EPCIP: variants seen among roughly 807,000 people sequenced by gnomAD.
EPCIP encodes the protein exosomal polycystin-1-interacting protein.
chr21:32,809,287 T>TCTTC, the EPCIP span, among the ~76,000 whole-genome samples: 25 of 112,058 alleles, frequency 2.2e-4, no homozygotes, highest in African/African-American at 8.5e-4. Flanking sequence ...TTCCTTTCTT[T>TCTTC]CTTTCTTTCT....
the EPCIP span, among the ~76,000 whole-genome samples, chr21:32,808,584 G>C: frequency 6.6e-6 from 1 of 152,082 alleles, no homozygotes; most frequent in African/African-American, 2.4e-5. Flanking sequence ...TTTCTTTCTT[G>C]AAAGATTTTT....
the EPCIP span, among the ~76,000 whole-genome samples, chr21:32,812,754 A>G: frequency 6.6e-6 from 1 of 152,122 alleles, no homozygotes; most frequent in Admixed American, 6.6e-5. Context: ...TTTTTGAAAC[A>G]TTTCCTGTCC....
chr21:32,808,321 C>A, the EPCIP span, among the ~76,000 whole-genome samples: 1 of 151,794 alleles, frequency 6.6e-6, no homozygotes, highest in Non-Finnish European at 1.5e-5. Flanking sequence ...GGCTGGCAGA[C>A]CTTTACTATT....
chr21:32,808,153 C>G, the EPCIP span, among the ~76,000 whole-genome samples: 1 of 152,240 alleles, frequency 6.6e-6, no homozygotes, highest in Non-Finnish European at 1.5e-5. Flanking sequence ...CTGCAAAACT[C>G]CCCCACAACC....
At chr21:32,796,782 C>G in the EPCIP span, among the ~76,000 whole-genome samples, 3 of 152,136 alleles carry the variant, frequency 2.0e-5, no homozygotes, top group Non-Finnish European at 4.4e-5. Flanking sequence ...CTGGAGGCCT[C>G]TGGGACTTCG....
chr21:32,793,602 G>T, the EPCIP span: 7 of 727,746 alleles, frequency 9.6e-6, no homozygotes, highest in South Asian at 1.1e-4. Flanking sequence ...GCAGAACAGA[G>T]AGCTGGTTAT....
the EPCIP span, among the ~76,000 whole-genome samples, chr21:32,811,828 A>G: frequency 1.4e-3 from 209 of 152,322 alleles, 1 homozygote; most frequent in Admixed American, 2.3e-3. Context: ...GTTATTGAGG[A>G]GTGGGTTGGT....
chr21:32,790,900 T>C, the EPCIP span: 1 of 152,208 alleles, frequency 6.6e-6, no homozygotes, highest in African/African-American at 2.4e-5. Flanking sequence ...AAAAGCTGAA[T>C]GGCAAGCCGA....
At chr21:32,810,426 T>TTA in the EPCIP span, 6 of 288,796 alleles carry the variant, frequency 2.1e-5, no homozygotes, top group Non-Finnish European at 2.8e-5. Flanking sequence ...CGGTAATTTT[T>TTA]TTTTTTTTTT....
chr21:32,796,176 G>A, the EPCIP span, among the ~76,000 whole-genome samples: 3 of 152,106 alleles, frequency 2.0e-5, no homozygotes, highest in Non-Finnish European at 4.4e-5. Context: ...ATGTCCTAAC[G>A]AAATTGATTC....
chr21:32,790,935 A>T, the EPCIP span: 2 of 152,402 alleles, frequency 1.3e-5, no homozygotes, highest in South Asian at 4.1e-4. Context: ...GAGAATTCAC[A>T]TAACAACCTG....
the EPCIP span, chr21:32,798,076 T>C: frequency 6.6e-6 from 1 of 152,236 alleles, no homozygotes; most frequent in Non-Finnish European, 1.5e-5. Context: ...GGCTCATACC[T>C]GTAACCCCAG....
chr21:32,792,780 C>A, the EPCIP span, among the ~76,000 whole-genome samples: 2 of 152,170 alleles, frequency 1.3e-5, no homozygotes, highest in Non-Finnish European at 2.9e-5. Flanking sequence ...ATCCTAAGGT[C>A]TTACCCTATC....
chr21:32,796,531 A>G, the EPCIP span, among the ~76,000 whole-genome samples: 29 of 152,288 alleles, frequency 1.9e-4, no homozygotes, highest in East Asian at 4.6e-3. Context: ...AGTGCTTTGT[A>G]TCTATTTTGA....
chr21:32,794,677 G>A, the EPCIP span, among the ~76,000 whole-genome samples: 1 of 152,218 alleles, frequency 6.6e-6, no homozygotes, highest in Non-Finnish European at 1.5e-5. Context: ...TCCAGAGACA[G>A]CAGCCAAACC....
At chr21:32,797,287 C>T in the EPCIP span, 27 of 256,616 alleles carry the variant, frequency 1.1e-4, no homozygotes, top group African/African-American at 4.7e-4. Flanking sequence ...GAGATGAAGT[C>T]GCCCGGGCTG....
chr21:32,802,722 GA>G, the EPCIP span, among the ~76,000 whole-genome samples: 1 of 152,176 alleles, frequency 6.6e-6, no homozygotes, highest in Non-Finnish European at 1.5e-5. Flanking sequence ...CTATGAGCAT[GA>G]GTCAGGATAC....
chr21:32,809,266 T>TCCCTCCCC, the EPCIP span, among the ~76,000 whole-genome samples: 1 of 41,166 alleles, frequency 2.4e-5, no homozygotes, highest in Non-Finnish European at 5.9e-5. Context: ...TTTTCTTTCT[T>TCCCTCCCC]CCCTCCCTCC....
At chr21:32,798,271 T>G in the EPCIP span, 1 of 152,328 alleles carries the variant, frequency 6.6e-6, no homozygotes, top group Non-Finnish European at 1.5e-5. Flanking sequence ...AATTCGGTGT[T>G]GTTTAAGCCA....
Sources: gnomAD v4.1 joint callset for allele counts (sites outside exome capture counted in the v4.1 genomes callset) on GRCh38, gnomAD v4.1.1 for gene constraint, MANE v1.5 for transcripts, NCBI Gene and HGNC (gene_info 2026-07-23, HGNC 2026-07-21) for gene names.